GALNT13: variants seen among roughly 807,000 people sequenced by gnomAD.
The protein encoded by GALNT13 is UDP-GalNAc:polypeptide N-acetylgalactosaminyltransferase 13.
In GALNT13, 28 loss-of-function variants were observed where a neutral mutation model predicts 64.2. The ratio of observed to expected loss-of-function variants is 0.44; its 90% CI spans 0.32 to 0.60. The LOEUF is 0.60. GALNT13 is among the 20% of genes least tolerant of loss of function. GALNT13 has a pLI of 0.05. For synonymous variants in GALNT13, 214 were observed against 224.6 expected (o/e 0.95, Z 0.42); for missense variants, 577 against 669.8 (o/e 0.86, Z 1.53).
chr2:154,072,275 T>C (rs1326442938), intron 3 of GALNT13, among the ~76,000 whole-genome samples: 1 of 152,138 alleles, frequency 6.6e-6, no homozygotes, highest in East Asian at 1.9e-4. Flanking sequence ...TAGTGCTACA[T>C]GGCCCACATG....
At chr2:153,616,405 A>T in the GALNT13 span, among the ~76,000 whole-genome samples, 1 of 151,880 alleles carries the variant, frequency 6.6e-6, no homozygotes, top group Admixed American at 6.6e-5. Context: ...CATTTTGGCT[A>T]TTCTGTGTCT....
intron 11 of GALNT13, among the ~76,000 whole-genome samples, chr2:154,420,463 T>A (rs1300831736): frequency 5.9e-5 from 9 of 152,158 alleles, no homozygotes; most frequent in Admixed American, 4.6e-4. Context: ...AATAGTTTTC[T>A]CCTGTTTTAT....
intron 9 of GALNT13, among the ~76,000 whole-genome samples, chr2:154,330,876 C>A (rs1301401571): frequency 1.3e-5 from 2 of 152,090 alleles, no homozygotes; most frequent in African/African-American, 4.8e-5. Context: ...ACTGACTGTT[C>A]TAAAATTCCC....
chr2:153,495,323 A>AAAC, the GALNT13 span, among the ~76,000 whole-genome samples: 1 of 149,540 alleles, frequency 6.7e-6, no homozygotes, highest in African/African-American at 2.5e-5. Flanking sequence ...ACAAACAAAC[A>AAAC]AACAACAACA....
chr2:154,062,776 T>A (rs768988981), intron 3 of GALNT13, among the ~76,000 whole-genome samples: 4 of 152,116 alleles, frequency 2.6e-5, no homozygotes, highest in Non-Finnish European at 5.9e-5. Context: ...ACATTTCTAG[T>A]GTAGTTTTGA....
chr2:153,727,583 C>T, the GALNT13 span, among the ~76,000 whole-genome samples: 3 of 152,098 alleles, frequency 2.0e-5, no homozygotes, highest in African/African-American at 7.2e-5. Flanking sequence ...CCATACGACT[C>T]ATCTATAAGA....
chr2:154,009,753 G>C (rs1696502722), intron 3 of GALNT13, among the ~76,000 whole-genome samples: 1 of 151,998 alleles, frequency 6.6e-6, no homozygotes, highest in South Asian at 2.1e-4. Flanking sequence ...GCCTCCCAAG[G>C]TATGACCATT....
chr2:153,870,555 C>T (rs1389764069), upstream of GALNT13, among the ~76,000 whole-genome samples: 3 of 151,676 alleles, frequency 2.0e-5, no homozygotes, highest in Non-Finnish European at 2.9e-5. Flanking sequence ...CTCACACATG[C>T]ACAGAAGCAT....
chr2:154,025,695 C>G (rs139456436), intron 3 of GALNT13, among the ~76,000 whole-genome samples: 20 of 152,250 alleles, frequency 1.3e-4, no homozygotes, highest in African/African-American at 4.6e-4. Context: ...TAATTACTCA[C>G]TCTGTACCAA....
chr2:153,328,666 C>T, the GALNT13 span, among the ~76,000 whole-genome samples: 3 of 152,130 alleles, frequency 2.0e-5, no homozygotes, highest in Admixed American at 2.0e-4. Context: ...ATACCAAGCT[C>T]AAGCGTCCCA....
At position 154,395,985 on chromosome 2, in the gene GALNT13, T is replaced by C. The variant is rs1210295611; in HGVS notation, c.1157-6T>C. 2 of 1,585,256 alleles carry C rather than the reference T, an allele frequency of 1.3e-6. No individual in the cohort carries two copies. The highest frequency in any genetic ancestry group is 1.7e-6 in the Non-Finnish European group (2 of 1,167,924). ...AACTGATTTGTGTTTCTCTGAAAAA[T>C]TCCAGGTGTTGTCAAAGTGGATTAT... On this transcript the variant is annotated splice_polypyrimidine_tract_variant and splice_region_variant and intron_variant, in intron 9 of 12. Coordinates refer to ENST00000392825, the MANE Select transcript of GALNT13 (RefSeq NM_052917.4).
Position 153,978,861 on chromosome 2 carries a change from A to G in GALNT13, c.142+34222A>G, listed in dbSNP as rs549750458. ...TGGGGTGGGAGGATCCTTTGCGCCC[A>G]GGAGTTTGAGGCTGCAGTGAGCTCT... On this transcript the variant is annotated intron_variant, in intron 3 of 12. Transcript: ENST00000392825. Among the ~76,000 whole-genome samples the G allele has an allele frequency of 2.4e-3, 370 of 152,218 alleles. 3 individuals carry two copies. Among genetic ancestry groups the G allele is most frequent in the African/African-American group, 8.4e-3 (350 of 41,552 alleles).
intron 11 of GALNT13, among the ~76,000 whole-genome samples, chr2:154,425,297 T>C (rs1427929960): frequency 2.6e-5 from 4 of 152,198 alleles, no homozygotes; most frequent in Non-Finnish European, 5.9e-5. Flanking sequence ...AAAAAGTCTT[T>C]TATCATTATT....
At chr2:154,045,371 G>T (rs1367450250) in intron 3 of GALNT13, among the ~76,000 whole-genome samples, 2 of 152,148 alleles carry the variant, frequency 1.3e-5, no homozygotes, top group Non-Finnish European at 2.9e-5. Context: ...GAGTAACATG[G>T]AAATGTATGC....
At chr2:154,312,527 A>G (rs371352077) in intron 9 of GALNT13, among the ~76,000 whole-genome samples, 3 of 152,186 alleles carry the variant, frequency 2.0e-5, no homozygotes, top group Admixed American at 6.5e-5. Context: ...TGTTATATAC[A>G]TTGTCAAGGA....
chr2:153,581,671 G>A, the GALNT13 span, among the ~76,000 whole-genome samples: 2 of 149,444 alleles, frequency 1.3e-5, no homozygotes, highest in African/African-American at 5.0e-5. Flanking sequence ...ATGTATAAGG[G>A]GGAAAAGACA....
At position 154,109,547 on chromosome 2, in the gene GALNT13, G is replaced by C. The variant is rs546683254; in HGVS notation, c.143-30790G>C. On this transcript the variant is annotated intron_variant, in intron 3 of 12. Coordinates refer to ENST00000392825, the MANE Select transcript of GALNT13 (RefSeq NM_052917.4). ...TGGTAAGAGTGAGTATTATTGTCTT[G>C]TTCCAGATCTCAGAGGAAGGACTTC... Among the ~76,000 whole-genome samples, 9 of 151,648 alleles carry C rather than the reference G, an allele frequency of 5.9e-5. No homozygotes were observed. The South Asian group carries it at 1.5e-3, about 25-fold the overall frequency.
At chr2:153,681,437 C>A in the GALNT13 span, among the ~76,000 whole-genome samples, 6 of 151,584 alleles carry the variant, frequency 4.0e-5, no homozygotes, top group Admixed American at 6.6e-5. Flanking sequence ...TATTTAATAC[C>A]CATTTTCTCT....
the GALNT13 span, among the ~76,000 whole-genome samples, chr2:153,100,818 C>T: frequency 6.5e-4 from 99 of 152,236 alleles, no homozygotes; most frequent in Non-Finnish European, 9.3e-4. Context: ...CTCTTGAGGC[C>T]AGGAGTTTGA....
Sources: gnomAD v4.1 joint callset for allele counts (sites outside exome capture counted in the v4.1 genomes callset) on GRCh38, gnomAD v4.1.1 for gene constraint, MANE v1.5 for transcripts, NCBI Gene and HGNC (gene_info 2026-07-23, HGNC 2026-07-21) for gene names.